Variants in ELMO1 observed in about 807,000 individuals in gnomAD.
The protein encoded by ELMO1 is engulfment and cell motility protein 1.
Under a neutral mutation model 98.9 loss-of-function variants are expected in ELMO1, and 26 were observed. The ratio of observed to expected loss-of-function variants is 0.26; its 90% CI spans 0.19 to 0.36. The LOEUF (loss-of-function observed/expected upper bound fraction) is 0.36, where lower values mean the gene tolerates loss of function less well. ELMO1 is among the 10% of genes least tolerant of loss of function. The pLI is 1.00. For missense variants in ELMO1, 627 were observed against 935.2 expected (o/e 0.67, Z 4.30); for synonymous variants, 346 against 346.0 (o/e 1.00, Z 0.00).
At chr7:37,018,957 G>A (rs1794114767) in intron 15 of ELMO1, among the ~76,000 whole-genome samples, 1 of 152,188 alleles carries the variant, frequency 6.6e-6, no homozygotes, top group South Asian at 2.1e-4. Context: ...ATAAGCGGGG[G>A]GCGGGGGTGC....
chr7:37,123,654 C>T (rs1046178976), intron 14 of ELMO1, among the ~76,000 whole-genome samples: 3 of 152,024 alleles, frequency 2.0e-5, no homozygotes, highest in African/African-American at 7.3e-5. Flanking sequence ...AATAGCTTAC[C>T]AACCAAAAAA....
intron 14 of ELMO1, among the ~76,000 whole-genome samples, chr7:37,114,603 C>T (rs1327950226): frequency 6.6e-6 from 1 of 151,902 alleles, no homozygotes; most frequent in Admixed American, 6.6e-5. Flanking sequence ...GAAGGCAGAG[C>T]CATTGCTAGA....
intron 2 of ELMO1, among the ~76,000 whole-genome samples, chr7:37,337,468 T>C (rs1227374086): frequency 6.6e-6 from 1 of 150,640 alleles, no homozygotes; most frequent in Non-Finnish European, 1.5e-5. Context: ...AAGGCACATG[T>C]ATACATATGT....
intron 13 of ELMO1, among the ~76,000 whole-genome samples, chr7:37,153,364 G>C (rs938375605): frequency 6.6e-6 from 1 of 152,182 alleles, no homozygotes; most frequent in Non-Finnish European, 1.5e-5. Context: ...AAGGGGTCCA[G>C]GGATTTCCCT....
At chr7:36,988,536 A>T (rs1791663993) in intron 16 of ELMO1, among the ~76,000 whole-genome samples, 1 of 152,242 alleles carries the variant, frequency 6.6e-6, no homozygotes, top group African/African-American at 2.4e-5. Context: ...TATTAAGCAT[A>T]ACTGTGATAT....
At chr7:37,316,169 G>A (rs1799143539) in intron 2 of ELMO1, among the ~76,000 whole-genome samples, 1 of 152,046 alleles carries the variant, frequency 6.6e-6, no homozygotes, top group Admixed American at 6.6e-5. Flanking sequence ...TACCCCTGTG[G>A]TCCTTTTTTC....
intron 19 of ELMO1, among the ~76,000 whole-genome samples, chr7:36,875,761 G>A (rs968945255): frequency 2.0e-5 from 3 of 152,114 alleles, no homozygotes; most frequent in African/African-American, 7.2e-5. Flanking sequence ...AGCAGAGCTG[G>A]GGGGCATTAG....
At chr7:37,372,276 T>C (rs1415537394) in intron 1 of ELMO1, among the ~76,000 whole-genome samples, 3 of 152,086 alleles carry the variant, frequency 2.0e-5, no homozygotes, top group Admixed American at 6.5e-5. Flanking sequence ...GACCATAACC[T>C]CTGAGGTCAG....
At chr7:37,133,784 CACAGGGTCCTG>C (rs1787082286) in intron 13 of ELMO1, among the ~76,000 whole-genome samples, 1 of 152,148 alleles carries the variant, frequency 6.6e-6, no homozygotes, top group South Asian at 2.1e-4. Flanking sequence ...TTCAGATATC[CACAGGGTCCTG>C]ACATCTGCCT....
chr7:37,144,543 G>A (rs768144247), intron 13 of ELMO1, among the ~76,000 whole-genome samples: 3 of 152,126 alleles, frequency 2.0e-5, no homozygotes, highest in Non-Finnish European at 4.4e-5. Context: ...AGCTGCAGGG[G>A]CTTTGATAAA....
At chr7:37,190,431 G>A (rs970434972) in intron 13 of ELMO1, among the ~76,000 whole-genome samples, 1 of 152,168 alleles carries the variant, frequency 6.6e-6, no homozygotes, top group African/African-American at 2.4e-5. Flanking sequence ...ATCAGATGAA[G>A]CTAAGCATAT....
chr7:36,890,874 G>A (rs149560304), intron 17 of ELMO1, among the ~76,000 whole-genome samples: 7 of 152,156 alleles, frequency 4.6e-5, no homozygotes, highest in African/African-American at 7.2e-5. Context: ...CTCACCTTCC[G>A]TTGCTCTCTC....
At chr7:37,190,909 C>T (rs910627363) in intron 13 of ELMO1, among the ~76,000 whole-genome samples, 1 of 151,856 alleles carries the variant, frequency 6.6e-6, no homozygotes, top group African/African-American at 2.4e-5. Context: ...TCTGGAAAGG[C>T]CAGGCACGGT....
intron 16 of ELMO1, among the ~76,000 whole-genome samples, chr7:37,007,457 TAC>T (rs978785265): frequency 9.2e-5 from 14 of 152,320 alleles, no homozygotes; most frequent in African/African-American, 3.4e-4. Context: ...CAAGATATTT[TAC>T]AGTCACCTGC....
intron 2 of ELMO1, among the ~76,000 whole-genome samples, chr7:37,321,857 CTTTTT>C (rs869082330): frequency 7.3e-6 from 1 of 137,452 alleles, no homozygotes; most frequent in Non-Finnish European, 1.6e-5. Flanking sequence ...AAGTAACTCC[CTTTTT>C]TTTTTTTTTT....
chr7:37,276,181 GT>G (rs1391621616), intron 4 of ELMO1, among the ~76,000 whole-genome samples: 1 of 152,138 alleles, frequency 6.6e-6, no homozygotes, highest in Non-Finnish European at 1.5e-5. Context: ...TATTTCCTAG[GT>G]TGTTCTGAGG....
chr7:37,214,315 C>T (rs1793158368), intron 11 of ELMO1, among the ~76,000 whole-genome samples: 1 of 152,224 alleles, frequency 6.6e-6, no homozygotes, highest in Non-Finnish European at 1.5e-5. Flanking sequence ...GCTAGCCCCA[C>T]TCATGCCATG....
chr7:37,426,142 C>CTTTT lies in ELMO1; in HGVS notation c.-74+22529_-74+22532dup, dbSNP rs36086006. Among the ~76,000 whole-genome samples the CTTTT allele has an allele frequency of 7.1e-4, 60 of 84,562 alleles. 1 individual carries two copies. Among genetic ancestry groups the CTTTT allele is most frequent in the African/African-American group, 1.6e-3 (33 of 20,440 alleles). 55.5% of individuals were successfully genotyped at this position (84,562 alleles called of 152,430 possible). On this transcript the variant is annotated intron_variant, in intron 1 of 21. Coordinates refer to ENST00000310758, the MANE Select transcript of ELMO1 (RefSeq NM_014800.11). ...TCTCTCTCTCCCTCTTTTTTTCTTT[C>CTTTT]TTTTTTTTTTTTTTTTTTTTTTTTT...
chr7:37,157,367 A>C (rs536466276), intron 13 of ELMO1, among the ~76,000 whole-genome samples: 8 of 152,332 alleles, frequency 5.3e-5, no homozygotes, highest in Middle Eastern at 3.4e-3. Flanking sequence ...GAAAAGAGGA[A>C]GTCAAATTGT....
Sources: allele counts gnomAD v4.1 joint callset (sites outside exome capture counted in the v4.1 genomes callset), GRCh38; gene constraint gnomAD v4.1.1; transcripts MANE v1.5; gene names NCBI Gene and HGNC (gene_info 2026-07-23, HGNC 2026-07-21).